The following SSBP3 variants were observed in gnomAD, a reference collection of about 807,000 sequenced individuals.
SSBP3 encodes single-stranded DNA-binding protein 3.
In SSBP3, 5 loss-of-function variants were observed where a neutral mutation model predicts 69.6. The observed-to-expected ratio is 0.07, with a 90% CI of 0.04 to 0.15. The LOEUF (loss-of-function observed/expected upper bound fraction) is 0.15. Ranked by LOEUF, SSBP3 falls within the 10% of genes least tolerant of loss-of-function variation. The pLI is 1.00. For missense variants in SSBP3, 312 were observed against 534.0 expected (o/e 0.58, Z 4.10); for synonymous variants, 196 against 193.4 (o/e 1.01, Z -0.11).
chr1:54,284,103 C>CTTTT (rs5774181), intron 4 of SSBP3, among the ~76,000 whole-genome samples: 2 of 87,616 alleles, frequency 2.3e-5, no homozygotes, highest in Admixed American at 1.3e-4. Context: ...TATTTAACCA[C>CTTTT]TTTTTTTTTT....
chr1:54,255,158 C>CGGGGGGGGGGGGGGG (rs34404422), intron 7 of SSBP3, among the ~76,000 whole-genome samples: 2 of 63,396 alleles, frequency 3.2e-5, no homozygotes, highest in Non-Finnish European at 3.4e-5. Context: ...TGCGGGGGGG[C>CGGGGGGGGGGGGGGG]GGGGGGGGGG....
chr1:54,345,513 G>A (rs1211196445), intron 4 of SSBP3, among the ~76,000 whole-genome samples: 2 of 152,120 alleles, frequency 1.3e-5, no homozygotes, highest in Non-Finnish European at 2.9e-5. Flanking sequence ...TGAGCCAGCT[G>A]GCCTCAAAAG....
At chr1:54,275,926 T>C (rs1026463523) in intron 5 of SSBP3, among the ~76,000 whole-genome samples, 1 of 152,176 alleles carries the variant, frequency 6.6e-6, no homozygotes, top group Non-Finnish European at 1.5e-5. Flanking sequence ...TTTTGGGTCA[T>C]GCAAGTTTCT....
chr1:54,307,081 T>C lies in SSBP3; in HGVS notation c.277-25554A>G, dbSNP rs188137019. On this transcript the variant is annotated intron_variant, in intron 4 of 17. Transcript: ENST00000610401. ...CCTCAACACATCACCAAGGCCCTAC[T>C]ACCTGGGCACCCTAAAATCCCATTA... 4.6e-4 allele frequency among the ~76,000 whole-genome samples: 70 copies of C among 152,280 alleles called. 1 individual carries two copies. The highest frequency in any genetic ancestry group is 1.6e-3 in the African/African-American group (68 of 41,562).
chr1:54,262,459 T>C (rs1003395597), intron 5 of SSBP3, among the ~76,000 whole-genome samples: 3 of 152,148 alleles, frequency 2.0e-5, no homozygotes, highest in African/African-American at 4.8e-5. Context: ...GCTGAAGGAC[T>C]TGGGAGAGCA....
intron 5 of SSBP3, among the ~76,000 whole-genome samples, chr1:54,259,138 A>G (rs578076849): frequency 1.3e-5 from 2 of 151,634 alleles, no homozygotes; most frequent in East Asian, 1.9e-4. Flanking sequence ...CACCGCCTCA[A>G]CCCTGGGCTA....
At chr1:54,313,172 TCAGCTC>T (rs1006741668) in intron 4 of SSBP3, among the ~76,000 whole-genome samples, 4 of 151,766 alleles carry the variant, frequency 2.6e-5, no homozygotes, top group African/African-American at 9.7e-5. Flanking sequence ...GGCAGAGAAA[TCAGCTC>T]CAGATGCAGG....
chr1:54,367,678 C>T (rs566825710), intron 4 of SSBP3, among the ~76,000 whole-genome samples: 2 of 152,154 alleles, frequency 1.3e-5, no homozygotes, highest in Admixed American at 6.5e-5. Context: ...GCCTCTGCGG[C>T]GGGTCCCCAC....
At chr1:54,340,773 G>T (rs1646593394) in intron 4 of SSBP3, among the ~76,000 whole-genome samples, 1 of 152,196 alleles carries the variant, frequency 6.6e-6, no homozygotes, top group Non-Finnish European at 1.5e-5. Flanking sequence ...TGGACTCCAT[G>T]AACACCCAGG....
At chr1:54,334,862 T>C (rs115048698) in intron 4 of SSBP3, among the ~76,000 whole-genome samples, 97 of 152,332 alleles carry the variant, frequency 6.4e-4, no homozygotes, top group Middle Eastern at 6.8e-3. Context: ...ATGAATCTTC[T>C]TCATCCTGTG....
chr1:54,315,285 A>G (rs1416933344), intron 4 of SSBP3, among the ~76,000 whole-genome samples: 3 of 152,168 alleles, frequency 2.0e-5, no homozygotes, highest in South Asian at 2.1e-4. Flanking sequence ...CAATAGCACA[A>G]GACCATGCCT....
intron 9 of SSBP3, among the ~76,000 whole-genome samples, chr1:54,243,707 G>A (rs777638553): frequency 6.6e-6 from 1 of 152,170 alleles, no homozygotes; most frequent in Non-Finnish European, 1.5e-5. Context: ...GGCGAGGGGT[G>A]AGTGTCAATG....
intron 4 of SSBP3, among the ~76,000 whole-genome samples, chr1:54,352,424 C>T (rs1230356614): frequency 6.6e-6 from 1 of 152,158 alleles, no homozygotes; most frequent in Non-Finnish European, 1.5e-5. Context: ...GTGACTTCTC[C>T]ATAAAACACC....
chr1:54,328,581 G>C (rs1646351571), intron 4 of SSBP3, among the ~76,000 whole-genome samples: 1 of 152,166 alleles, frequency 6.6e-6, no homozygotes, highest in South Asian at 2.1e-4. Flanking sequence ...CAGAGTTTCT[G>C]AGTTCCTGAA....
chr1:54,281,675 TC>T, intron 4 of SSBP3, 148 bp from the exon 5 acceptor site: 1 of 749,440 alleles, frequency 1.3e-6, no homozygotes, highest in Non-Finnish European at 2.3e-6. Context: ...CCTCCTAGCG[TC>T]CCAGGGAAGT....
chr1:54,384,503 C>A (rs1453172495), intron 4 of SSBP3, among the ~76,000 whole-genome samples: 1 of 152,244 alleles, frequency 6.6e-6, no homozygotes, highest in Admixed American at 6.5e-5. Flanking sequence ...CAAGACCCAC[C>A]ATGGGCTCTG....
chr1:54,229,776 G>C (rs1235703897), intron 14 of SSBP3, among the ~76,000 whole-genome samples: 1 of 152,150 alleles, frequency 6.6e-6, no homozygotes, highest in Non-Finnish European at 1.5e-5. Context: ...GTGGAATGGA[G>C]GGCTGTTTGG....
chr1:54,331,765 G>T (rs1290733784), intron 4 of SSBP3, among the ~76,000 whole-genome samples: 2 of 152,242 alleles, frequency 1.3e-5, no homozygotes, highest in African/African-American at 2.4e-5. Context: ...TGCAAAGGAA[G>T]TGGCAGAGAA....
chr1:54,283,272 T>TAA (rs60875737), intron 4 of SSBP3, among the ~76,000 whole-genome samples: 11 of 126,574 alleles, frequency 8.7e-5, no homozygotes, highest in East Asian at 6.4e-4. Context: ...CCCCATCTCA[T>TAA]AAAAAAAAAA....
Sources: gnomAD v4.1 joint callset for allele counts (sites outside exome capture counted in the v4.1 genomes callset) on GRCh38, gnomAD v4.1.1 for gene constraint, MANE v1.5 for transcripts, NCBI Gene and HGNC (gene_info 2026-07-23, HGNC 2026-07-21) for gene names.